The following ZNF69 variants were observed in gnomAD, a reference collection of about 807,000 sequenced individuals.
The protein encoded by ZNF69 is ZNF3.
ZNF69 carries 47 observed loss-of-function variants against 50.9 expected under a neutral mutation model. That is an observed-to-expected ratio of 0.92 (90% confidence interval 0.73 to 1.18). ZNF69 has a LOEUF of 1.18. Ranked by LOEUF, ZNF69 falls within the 50% of genes most tolerant of loss-of-function variation. The probability of loss-of-function intolerance (pLI) is 0.00; values close to 1 mark genes in which losing one functional copy is unlikely to be tolerated. For synonymous variants in ZNF69, 216 were observed against 223.1 expected (o/e 0.97, Z 0.29); for missense variants, 717 against 675.1 (o/e 1.06, Z -0.69).
At chr19:11,966,601 T>C in the ZNF69 span, among the ~76,000 whole-genome samples, 1 of 152,178 alleles carries the variant, frequency 6.6e-6, no homozygotes, top group African/African-American at 2.4e-5. Context: ...CTCAAACTCC[T>C]GACCTCAAGT....
At chr19:11,966,832 A>C in the ZNF69 span, among the ~76,000 whole-genome samples, 33 of 152,242 alleles carry the variant, frequency 2.2e-4, 1 homozygote, top group Non-Finnish European at 4.0e-4. Flanking sequence ...CAGCTGGAAG[A>C]GTTTATTCAA....
chr19:11,976,600 C>T, the ZNF69 span, among the ~76,000 whole-genome samples: 1 of 147,260 alleles, frequency 6.8e-6, no homozygotes, highest in African/African-American at 2.5e-5. Context: ...GGTGTGGTGG[C>T]TCATGCCTGT....
chr19:11,943,227 T>C, the ZNF69 span, among the ~76,000 whole-genome samples: 21 of 152,380 alleles, frequency 1.4e-4, no homozygotes, highest in Non-Finnish European at 2.6e-4. Flanking sequence ...GTGCCAACTT[T>C]GTTATGTCCT....
chr19:11,973,685 C>T, the ZNF69 span, among the ~76,000 whole-genome samples: 36 of 151,764 alleles, frequency 2.4e-4, 1 homozygote, highest in East Asian at 5.4e-3. Context: ...AGTTAGAGAC[C>T]AGCCTGGTAG....
At chr19:11,917,108 C>T (rs589408), downstream of ZNF69, among the ~76,000 whole-genome samples, 1 of 152,322 alleles carries the variant, frequency 6.6e-6, no homozygotes, top group South Asian at 2.1e-4. Flanking sequence ...GGGGCTTTGA[C>T]TTGCATCTGC....
At chr19:11,938,960 A>T in the ZNF69 span, among the ~76,000 whole-genome samples, 63 of 152,178 alleles carry the variant, frequency 4.1e-4, no homozygotes, top group African/African-American at 1.5e-3. Flanking sequence ...TTTGATTTGC[A>T]TTTCTCTGAT....
chr19:11,978,958 G>T, the ZNF69 span: 1 of 1,614,094 alleles, frequency 6.2e-7, no homozygotes, highest in African/African-American at 1.3e-5. Flanking sequence ...TGTAAGGAAT[G>T]TAGAAAAGCA....
the ZNF69 span, among the ~76,000 whole-genome samples, chr19:11,942,742 ATAGATAATAC>A: frequency 6.6e-6 from 1 of 152,204 alleles, no homozygotes; most frequent in African/African-American, 2.4e-5. Flanking sequence ...TCTGGAATCT[ATAGATAATAC>A]AAGTGGTTAG....
chr19:11,903,151 C>A (rs1972282187), intron 1 of ZNF69, among the ~76,000 whole-genome samples: 2 of 152,012 alleles, frequency 1.3e-5, no homozygotes, highest in South Asian at 4.2e-4. Flanking sequence ...AAAACAACTG[C>A]TGGCCAGGCC....
At chr19:11,940,000 C>T in the ZNF69 span, 4 of 150,882 alleles carry the variant, frequency 2.7e-5, no homozygotes, top group Admixed American at 6.6e-5. Context: ...GGCACAACCT[C>T]GGCTCACCGC....
chr19:11,935,239 T>TG, the ZNF69 span, among the ~76,000 whole-genome samples: 2 of 139,534 alleles, frequency 1.4e-5, no homozygotes, highest in East Asian at 4.2e-4. Flanking sequence ...TCTTGTTTTT[T>TG]TTTTTTTTTT....
At chr19:11,963,387 A>G in the ZNF69 span, among the ~76,000 whole-genome samples, 1 of 152,168 alleles carries the variant, frequency 6.6e-6, no homozygotes, top group Non-Finnish European at 1.5e-5. Context: ...GAGCCATGGT[A>G]TCCGGCCTCC....
the ZNF69 span, among the ~76,000 whole-genome samples, chr19:11,975,116 G>C: frequency 6.8e-6 from 1 of 148,124 alleles, no homozygotes; most frequent in African/African-American, 2.5e-5. Context: ...TTTTCTCGTT[G>C]AGACTGAGTG....
At chr19:11,903,315 C>CAGG (rs1372941317) in intron 1 of ZNF69, among the ~76,000 whole-genome samples, 3 of 152,100 alleles carry the variant, frequency 2.0e-5, no homozygotes, top group African/African-American at 4.8e-5. Flanking sequence ...CTTAGCTACT[C>CAGG]AGGCTGAGGA....
the ZNF69 span, among the ~76,000 whole-genome samples, chr19:11,939,778 T>C: frequency 4.6e-5 from 7 of 151,598 alleles, no homozygotes; most frequent in Admixed American, 2.6e-4. Flanking sequence ...TGATTTATTA[T>C]CATTACTTAT....
the ZNF69 span, chr19:11,925,207 C>T: frequency 6.2e-7 from 1 of 1,612,224 alleles, no homozygotes; most frequent in Non-Finnish European, 8.5e-7. Context: ...CTGTCGCCTG[C>T]GCTATGCCCT....
At chr19:11,964,510 T>A in the ZNF69 span, among the ~76,000 whole-genome samples, 1 of 152,224 alleles carries the variant, frequency 6.6e-6, no homozygotes, top group African/African-American at 2.4e-5. Flanking sequence ...AGTTTCCTGC[T>A]GGTGAAAATG....
chr19:11,887,965 G>T lies in ZNF69; in HGVS notation c.42G>T (p.Gly14=). 1 of 1,612,574 alleles carries T rather than the reference G, an allele frequency of 6.2e-7. No individual in the cohort carries two copies. The highest frequency in any genetic ancestry group is 1.1e-5 in the South Asian group (1 of 91,070). ...CSHRRCREDP[G]TSESQEMDPV... The stretch of plus-strand genomic sequence containing the variant: ...ACAGGAGGTGTAGAGAGGACCCCGG[G>T]ACATCTGAAAGCCAGGAAATGGTGC... The change falls in exon 1 of 4, where the codon GGG becomes GGT. Residue 14 remains glycine (G), a synonymous_variant. Transcript: ENST00000429654.
the ZNF69 span, chr19:11,977,106 G>C: frequency 4.6e-4 from 740 of 1,600,720 alleles, no homozygotes; most frequent in Non-Finnish European, 6.0e-4. Flanking sequence ...TGGATATTTC[G>C]CAGAGGAAAC....
Sources: gnomAD v4.1 joint callset for allele counts (sites outside exome capture counted in the v4.1 genomes callset) on GRCh38, gnomAD v4.1.1 for gene constraint, MANE v1.5 for transcripts, NCBI Gene and HGNC (gene_info 2026-07-23, HGNC 2026-07-21) for gene names.